LONRF1: variants seen among roughly 807,000 people sequenced by gnomAD.
The protein encoded by LONRF1 is LON peptidase N-terminal domain and ring finger 1, also known as LON peptidase N-terminal domain and RING finger protein 1.
LONRF1 carries 37 observed loss-of-function variants against 85.8 expected under a neutral mutation model. The observed-to-expected ratio is 0.43, with a 90% CI of 0.33 to 0.57. LONRF1 has a LOEUF of 0.57. Ranked by LOEUF, LONRF1 falls within the 20% of genes least tolerant of loss-of-function variation. The pLI is 0.04. For synonymous variants in LONRF1, 517 were observed against 390.1 expected, an observed-to-expected ratio of 1.33 and a Z score of -3.83; for missense variants, 1,036 against 978.0, an observed-to-expected ratio of 1.06 and a Z score of -0.79.
intron 3 of LONRF1, among the ~76,000 whole-genome samples, chr8:12,739,649 T>C (rs761339130): frequency 2.0e-5 from 3 of 152,210 alleles, no homozygotes; most frequent in African/African-American, 4.8e-5. Context: ...AAAAAGTATA[T>C]TGGAGAAAAA....
At chr8:12,751,461 G>A (rs775180971) in intron 1 of LONRF1, among the ~76,000 whole-genome samples, 43 of 150,924 alleles carry the variant, frequency 2.8e-4, no homozygotes, top group Admixed American at 2.0e-4. Flanking sequence ...GCACCACCAC[G>A]CCTGGGTAAT....
At chr8:12,735,615 G>A in intron 6 of LONRF1, 1 of 520,070 alleles carries the variant, frequency 1.9e-6, no homozygotes, top group South Asian at 2.3e-5. Flanking sequence ...CAAAGGCCTA[G>A]AGCCAAGGGC....
Position 12,725,881 on chromosome 8 carries a change from T to C in LONRF1, c.2011-2A>G. On this transcript the variant is annotated splice_acceptor_variant, in intron 10 of 11. Transcript: ENST00000398246. LOFTEE classifies it high-confidence loss of function. ...CTTAATCTCATCTTCATTCTCAACC[T>C]AGAAATACAATAGTCAGTAAGACTT... The C allele has an allele frequency of 6.2e-7, 1 of 1,607,008 alleles. No homozygotes were observed. Among genetic ancestry groups the C allele is most frequent in the Non-Finnish European group, 8.5e-7 (1 of 1,176,200 alleles).
intron 10 of LONRF1, chr8:12,726,132 C>G (rs1798288783): frequency 5.8e-6 from 2 of 344,196 alleles, no homozygotes; most frequent in Non-Finnish European, 1.1e-5. Context: ...ATTGCAGAAC[C>G]CTACAACAGC....
At chr8:12,724,244 C>T (rs1585216196) in intron 11 of LONRF1, among the ~76,000 whole-genome samples, 1 of 152,100 alleles carries the variant, frequency 6.6e-6, no homozygotes, top group Non-Finnish European at 1.5e-5. Flanking sequence ...GGTGTGGAAG[C>T]TGGAAGAGAA....
In LONRF1 at chr8:12,729,076, C is replaced by T; in HGVS notation, c.1848-13G>A. On this transcript the variant is annotated splice_polypyrimidine_tract_variant and intron_variant, in intron 9 of 11. Coordinates refer to ENST00000398246, the MANE Select transcript of LONRF1 (RefSeq NM_152271.5). Reference sequence around the variant, plus strand: ...ATAATCTGCAAAACTAAAAGAAAACCTTGATTAGTAACAAAGTTGAAACAT... The same window carrying T: ...ATAATCTGCAAAACTAAAAGAAAACTTTGATTAGTAACAAAGTTGAAACAT... 1 of 1,612,970 alleles carries T rather than the reference C, an allele frequency of 6.2e-7. No homozygotes were observed.
At chr8:12,727,380 G>A (rs907002095) in intron 10 of LONRF1, 13 of 151,124 alleles carry the variant, frequency 8.6e-5, no homozygotes, top group Non-Finnish European at 1.6e-4. Flanking sequence ...AGAAGTCACA[G>A]AAAACAGAAT....
At position 12,755,031 on chromosome 8, in the gene LONRF1, C is replaced by G. The variant is rs1431323465; in HGVS notation, c.390G>C (p.Leu130=). 1 of 1,491,240 alleles carries G rather than the reference C, an allele frequency of 6.7e-7. No individual in the cohort carries two copies. The highest frequency in any genetic ancestry group is 8.9e-7 in the Non-Finnish European group (1 of 1,127,400). The allele number at this position is 1,491,240 out of a possible 1,614,324, so 92.4% of individuals were successfully genotyped here. A position where few individuals can be genotyped will look rare whatever the true frequency, so the allele number is the denominator to read the frequency against. ...CACAGGGCACGGTCACCGGCTCGCT[C>G]AGGAAGCCCCGGCAGCCCAGGCATC... ...LLRCLGCRGF[L]SEPVTVPCGH... Residue 130 remains leucine, a synonymous_variant, in exon 1 of 12, where the codon CTG becomes CTC. Transcript: ENST00000398246.
intron 1 of LONRF1, chr8:12,753,615 G>C (rs1482174536): frequency 6.6e-6 from 1 of 152,180 alleles, no homozygotes; most frequent in Non-Finnish European, 1.5e-5. Context: ...TCCAGATATT[G>C]TTCTAAATAA....
At chr8:12,745,882 G>A (rs1003674017) in intron 1 of LONRF1, among the ~76,000 whole-genome samples, 2 of 152,092 alleles carry the variant, frequency 1.3e-5, no homozygotes, top group African/African-American at 4.8e-5. Context: ...ACCAGAAGCA[G>A]GGACAGATGT....
chr8:12,748,293 C>G (rs1799245606), intron 1 of LONRF1, among the ~76,000 whole-genome samples: 1 of 152,156 alleles, frequency 6.6e-6, no homozygotes, highest in Non-Finnish European at 1.5e-5. Context: ...CAGCCTCGAC[C>G]TCCTATGCTC....
rs953124293 is a variant in LONRF1 at position 12,755,095 on chromosome 8, G to T, written c.326C>A (p.Pro109Gln). 6.1e-6 allele frequency: 9 copies of T among 1,470,312 alleles called. No individual in the cohort carries two copies. The highest frequency in any genetic ancestry group is 1.5e-5 in the African/African-American group (1 of 68,182). 91.1% of individuals were successfully genotyped at this position (1,470,312 alleles called of 1,614,324 possible). A position where few individuals can be genotyped will look rare whatever the true frequency, so the allele number is the denominator to read the frequency against. Reference sequence around the variant, plus strand: ...GGCGCCGCCGTCAGCGCCTGCAACCGGGGCCGCGCTCCAGCCCAGCCCGTG... The same window carrying T: ...GGCGCCGCCGTCAGCGCCTGCAACCTGGGCCGCGCTCCAGCCCAGCCCGTG... ...LRHGLGWSAA[P>Q]VAGADGGAGG... Residue 109 changes from proline to glutamine, a missense_variant, in exon 1 of 12, where the codon CCG becomes CAG. Physicochemically the swap from Pro to Gln is moderately conservative, Grantham distance 76. Coordinates refer to ENST00000398246, the MANE Select transcript of LONRF1 (RefSeq NM_152271.5).
intron 8 of LONRF1, among the ~76,000 whole-genome samples, 175 bp downstream of exon 8, chr8:12,731,561 C>A (rs546585225): frequency 6.6e-6 from 1 of 152,100 alleles, no homozygotes; most frequent in Admixed American, 6.5e-5. Context: ...TATAAAACAT[C>A]CGGATGTTAC....
At position 12,734,098 on chromosome 8, in the gene LONRF1, T is replaced by TG. The variant is rs948920710; in HGVS notation, c.1566+1187dup. On this transcript the variant is annotated intron_variant, in intron 7 of 11. Coordinates refer to ENST00000398246, the MANE Select transcript of LONRF1 (RefSeq NM_152271.5). ...GGAAAAACAAGCATCATAGTTATCC[T>TG]GGGGGGGTATTTAAATGAAGTCTGG... 3.9e-5 allele frequency among the ~76,000 whole-genome samples: 6 copies of TG among 152,240 alleles called. No individual in the cohort carries two copies. The South Asian group carries it at 6.2e-4, about 16-fold the overall frequency.
At chr8:12,744,262 T>C (rs1383558857) in intron 1 of LONRF1, among the ~76,000 whole-genome samples, 2 of 152,192 alleles carry the variant, frequency 1.3e-5, no homozygotes, top group African/African-American at 4.8e-5. Context: ...TATTCAAAAC[T>C]CTCACTTGAG....
At chr8:12,735,535 AAGG>A in intron 6 of LONRF1, 135 bp from the exon 7 acceptor site, 1 of 634,444 alleles carries the variant, frequency 1.6e-6, no homozygotes, top group Non-Finnish European at 2.8e-6. Flanking sequence ...AGAGGAGAGA[AAGG>A]GCAGTGATAA....
chr8:12,745,321 GAAAAAAAA>G (rs36196945), intron 1 of LONRF1, among the ~76,000 whole-genome samples: 8 of 122,332 alleles, frequency 6.5e-5, no homozygotes, highest in African/African-American at 2.4e-4. Context: ...TATTTTTTTG[GAAAAAAAA>G]AAAAAAAAAA....
intron 1 of LONRF1, among the ~76,000 whole-genome samples, chr8:12,746,331 C>T (rs1260338132): frequency 6.6e-6 from 1 of 152,094 alleles, no homozygotes; most frequent in Non-Finnish European, 1.5e-5. Flanking sequence ...AACCTTCCCA[C>T]TCACTCAAAG....
chr8:12,726,755 A>C (rs1798323248), intron 10 of LONRF1, among the ~76,000 whole-genome samples: 1 of 152,236 alleles, frequency 6.6e-6, no homozygotes, highest in Non-Finnish European at 1.5e-5. Flanking sequence ...TACTTCAAGG[A>C]TGACTCATTT....
Sources: gnomAD v4.1 joint callset for allele counts (sites outside exome capture counted in the v4.1 genomes callset) on GRCh38, gnomAD v4.1.1 for gene constraint, MANE v1.5 for transcripts, NCBI Gene and HGNC (gene_info 2026-07-23, HGNC 2026-07-21) for gene names.